Variants in LAIR1 observed in about 807,000 individuals in gnomAD.
LAIR1 encodes leukocyte-associated immunoglobulin-like receptor 1.
LAIR1 carries 24 observed loss-of-function variants against 32.8 expected under a neutral mutation model. The ratio of observed to expected loss-of-function variants is 0.73; its 90% CI spans 0.53 to 1.03. The LOEUF is 1.03. Among genes scored for constraint, LAIR1 ranks in the 50% least tolerant of loss-of-function variants. The probability of loss-of-function intolerance (pLI) is 0.00; values close to 1 mark genes in which losing one functional copy is unlikely to be tolerated. For synonymous variants in LAIR1, 150 were observed against 140.5 expected (o/e 1.07, Z -0.48); for missense variants, 355 against 347.5 (o/e 1.02, Z -0.17).
upstream of LAIR1, among the ~76,000 whole-genome samples, chr19:54,373,946 A>G (rs2082461390): frequency 6.6e-6 from 1 of 152,234 alleles, no homozygotes; most frequent in South Asian, 2.1e-4. Flanking sequence ...TTGCTGACAC[A>G]TGTCATTTCT....
the LAIR1 span, among the ~76,000 whole-genome samples, chr19:54,375,634 G>A: frequency 6.6e-6 from 1 of 152,150 alleles, no homozygotes; most frequent in African/African-American, 2.4e-5. Flanking sequence ...TGAAGGAGAC[G>A]GCGACGCTGC....
chr19:54,375,338 G>C (rs2082481393), upstream of LAIR1, among the ~76,000 whole-genome samples: 1 of 152,198 alleles, frequency 6.6e-6, no homozygotes, highest in African/African-American at 2.4e-5. Context: ...GCACCGTGCT[G>C]CCTGCGCCCG....
chr19:54,357,254 CG>C, intron 4 of LAIR1: 1 of 474,520 alleles, frequency 2.1e-6, no homozygotes, highest in Non-Finnish European at 3.8e-6. Context: ...AGTGACCCCA[CG>C]GGCCTGATGC....
At chr19:54,372,901 C>T (rs549109400), upstream of LAIR1, among the ~76,000 whole-genome samples, 37 of 151,426 alleles carry the variant, frequency 2.4e-4, no homozygotes, top group East Asian at 9.7e-4. Flanking sequence ...AAGGTCGAGG[C>T]GGATGGATCA....
chr19:54,360,838 T>C (rs1255711478), intron 3 of LAIR1, 78 bp downstream of exon 3: 134 of 1,435,928 alleles, frequency 9.3e-5, no homozygotes, highest in South Asian at 3.9e-4. Context: ...GGACAGCAGC[T>C]GGGACAGGGT....
intron 4 of LAIR1, among the ~76,000 whole-genome samples, chr19:54,359,213 T>G (rs2081884984): frequency 6.9e-6 from 1 of 145,682 alleles, no homozygotes; most frequent in Non-Finnish European, 1.5e-5. Context: ...TCCAAGGACG[T>G]ACTCTGGGGA....
intron 3 of LAIR1, 158 bp downstream of exon 3, chr19:54,360,758 G>C (rs1284114281): frequency 3.1e-6 from 2 of 652,748 alleles, no homozygotes; most frequent in Non-Finnish European, 5.3e-6. Flanking sequence ...AGGGCAGAGG[G>C]GAGGTGTGTG....
At chr19:54,368,612 G>C (rs1248379178), upstream of LAIR1, 8 of 152,142 alleles carry the variant, frequency 5.3e-5, no homozygotes, top group African/African-American at 1.9e-4. Flanking sequence ...TTTCTTCACT[G>C]CTCAGAAGAT....
chr19:54,375,037 A>G (rs1470473118), upstream of LAIR1, among the ~76,000 whole-genome samples: 2 of 152,182 alleles, frequency 1.3e-5, no homozygotes, highest in Non-Finnish European at 2.9e-5. Flanking sequence ...GCTCTGGAAG[A>G]GAAATCTGGA....
intron 3 of LAIR1, 138 bp downstream of exon 3, chr19:54,360,777 GA>G (rs2081975424): frequency 6.7e-6 from 4 of 598,836 alleles, no homozygotes; most frequent in South Asian, 3.6e-5. Context: ...TGCAGAGGAA[GA>G]AGGGGAGGGG....
chr19:54,355,920 T>C lies in LAIR1; in HGVS notation c.717+34A>G. On this transcript the variant is annotated intron_variant, in intron 9 of 9. Transcript: ENST00000391742. This position sits in a 1 kb window ranked among gnomAD's most constrained non-coding sequence, Gnocchi z 4.7. ...CTGAGATTTTTTTAAGCTGCTAAAT[T>C]TGGGGTACTTTAATAACTAGTAGGA... 7.0e-7 allele frequency: 1 copy of C among 1,437,202 alleles called. No homozygotes were observed. Among genetic ancestry groups the C allele is most frequent in the Non-Finnish European group, 9.8e-7 (1 of 1,017,818 alleles). The allele number at this position is 1,437,202 out of a possible 1,614,324, so 89.0% of individuals were successfully genotyped here. A position where few individuals can be genotyped will look rare whatever the true frequency, so the allele number is the denominator to read the frequency against.
chr19:54,375,347 C>T (rs556405929), upstream of LAIR1, among the ~76,000 whole-genome samples: 32 of 152,282 alleles, frequency 2.1e-4, no homozygotes, highest in African/African-American at 7.2e-4. Flanking sequence ...TGCCTGCGCC[C>T]GCCCCGCTGT....
chr19:54,369,295 T>G (rs1331562616), upstream of LAIR1, among the ~76,000 whole-genome samples: 5 of 151,418 alleles, frequency 3.3e-5, no homozygotes, highest in African/African-American at 1.2e-4. Flanking sequence ...GTTTCTGTTT[T>G]CCTGGTTGGA....
Position 54,364,895 on chromosome 19 carries a change from C to T in LAIR1, c.-91G>A, listed in dbSNP as rs2082199935. The T allele has an allele frequency of 2.7e-5, 43 of 1,609,802 alleles. No homozygotes were observed. Among genetic ancestry groups the T allele is most frequent in the Non-Finnish European group, 3.5e-5 (41 of 1,178,002 alleles). On this transcript the variant is annotated 5_prime_UTR_variant, in exon 1 of 10. Coordinates refer to ENST00000391742, the MANE Select transcript of LAIR1 (RefSeq NM_002287.6). The surrounding 1 kb of genome is among the most constrained non-coding windows in gnomAD (Gnocchi z 4.8). ...GACACAAGCAGACAGGATGTGCTGC[C>T]CGGGGGCCTCCTGCCTATGGGGCTT...
intron 4 of LAIR1, among the ~76,000 whole-genome samples, chr19:54,359,461 G>C (rs1322759775): frequency 6.6e-6 from 1 of 151,680 alleles, no homozygotes; most frequent in Non-Finnish European, 1.5e-5. Context: ...CCTCTTAAGG[G>C]ACCTTACTCC....
intron 2 of LAIR1, 103 bp from the exon 3 acceptor site, chr19:54,361,312 G>A: frequency 7.8e-7 from 1 of 1,286,056 alleles, no homozygotes; most frequent in South Asian, 1.3e-5. Flanking sequence ...CAATTTTATA[G>A]AGTTATGCAG....
intron 2 of LAIR1, among the ~76,000 whole-genome samples, chr19:54,362,697 G>T (rs1201763417): frequency 6.6e-6 from 1 of 152,208 alleles, no homozygotes; most frequent in Non-Finnish European, 1.5e-5. Context: ...TGTTGTCCAG[G>T]CTGGTCTCAA....
At chr19:54,358,239 C>A (rs1362434078) in intron 4 of LAIR1, 1 of 142,168 alleles carries the variant, frequency 7.0e-6, no homozygotes, top group Non-Finnish European at 1.5e-5. Flanking sequence ...ACATTAATAC[C>A]TATATTTATT....
At chr19:54,362,390 T>C (rs887697876) in intron 2 of LAIR1, among the ~76,000 whole-genome samples, 8 of 152,236 alleles carry the variant, frequency 5.3e-5, no homozygotes, top group African/African-American at 1.4e-4. Flanking sequence ...TTTCATGGGC[T>C]GCTAATTCCA....
Sources: gnomAD v4.1 joint callset for allele counts (sites outside exome capture counted in the v4.1 genomes callset) on GRCh38, gnomAD v4.1.1 for gene constraint, Gnocchi (gnomAD v3.1) non-coding constraint, MANE v1.5 for transcripts, NCBI Gene and HGNC (gene_info 2026-07-23, HGNC 2026-07-21) for gene names.